NFIB: variants seen among roughly 807,000 people sequenced by gnomAD.
NFIB encodes the protein nuclear factor I B.
A neutral mutation model predicts 61.5 loss-of-function variants in NFIB; 11 were observed. The observed-to-expected ratio is 0.18, with a 90% confidence interval of 0.11 to 0.30. The LOEUF (loss-of-function observed/expected upper bound fraction) is 0.30. Ranked by LOEUF, NFIB falls within the 10% of genes least tolerant of loss-of-function variation. The probability of loss-of-function intolerance (pLI) is 1.00; values close to 1 mark genes in which losing one functional copy is unlikely to be tolerated. For missense variants in NFIB, 471 were observed against 608.9 expected, an observed-to-expected ratio of 0.77 and a Z score of 2.38; for synonymous variants, 260 against 216.5, an observed-to-expected ratio of 1.20 and a Z score of -1.76.
intron 6 of NFIB, among the ~76,000 whole-genome samples, chr9:14,134,054 C>T (rs1253264258): frequency 2.0e-5 from 3 of 152,124 alleles, no homozygotes; most frequent in Non-Finnish European, 4.4e-5. Flanking sequence ...GGAGAAGACA[C>T]ATGGTGTGTT....
chr9:14,380,415 T>C (rs796168503), intron 1 of NFIB, among the ~76,000 whole-genome samples: 3 of 152,206 alleles, frequency 2.0e-5, no homozygotes, highest in Non-Finnish European at 2.9e-5. Flanking sequence ...AAAATGGTGA[T>C]GTAAATAGAA....
chr9:14,088,339 G>A lies in NFIB; in HGVS notation c.1468-13C>T, dbSNP rs1192387629. On this transcript the variant is annotated splice_polypyrimidine_tract_variant and intron_variant, in intron 10 of 10. Transcript: ENST00000380953. ...CCAGGTACCAGGACTGTTGAGAGGA[G>A]AGAGGCAGCAGGGAGGGAAGAAAAA... 6.6e-6 allele frequency: 10 copies of A among 1,517,762 alleles called. No individual in the cohort carries two copies. Among genetic ancestry groups the A allele is most frequent in the Non-Finnish European group, 8.0e-6 (9 of 1,124,056 alleles). The allele number at this position is 1,517,762 out of a possible 1,614,324, so 94.0% of individuals were successfully genotyped here.
At chr9:14,440,358 G>A in the NFIB span, among the ~76,000 whole-genome samples, 272 of 152,344 alleles carry the variant, frequency 1.8e-3, 1 homozygote, top group African/African-American at 6.3e-3. Flanking sequence ...TGCAGAAGGA[G>A]CTGATACCAA....
intron 1 of NFIB, among the ~76,000 whole-genome samples, chr9:14,349,804 G>T (rs189723258): frequency 6.6e-6 from 1 of 152,200 alleles, no homozygotes; most frequent in Non-Finnish European, 1.5e-5. Context: ...AGGGATGAGA[G>T]TTGAGACTTC....
At chr9:14,260,610 C>T (rs2056658668) in intron 2 of NFIB, among the ~76,000 whole-genome samples, 1 of 152,184 alleles carries the variant, frequency 6.6e-6, no homozygotes, top group African/African-American at 2.4e-5. Flanking sequence ...AAGTTACCTG[C>T]ATGCAGATAT....
chr9:14,334,577 G>A lies in NFIB; in HGVS notation c.109-27057C>T, dbSNP rs188401130. On this transcript the variant is annotated intron_variant, in intron 1 of 8. Transcript: ENST00000380934. Reference sequence around the variant, plus strand: ...TAGGAGTTCTTTGTATACTCTACACGTGAGTCCTTTGCCAGTTTATATCTG... The same window carrying A: ...TAGGAGTTCTTTGTATACTCTACACATGAGTCCTTTGCCAGTTTATATCTG... Among the ~76,000 whole-genome samples, 21 of 151,986 alleles carry A rather than the reference G, an allele frequency of 1.4e-4. No individual in the cohort carries two copies. In the East Asian group the frequency reaches 2.3e-3, roughly 17 times the overall value.
chr9:14,096,158 C>T (rs773946655), intron 10 of NFIB, among the ~76,000 whole-genome samples: 15 of 152,178 alleles, frequency 9.9e-5, no homozygotes, highest in East Asian at 1.9e-4. Context: ...TTCTTACGGA[C>T]GAACTACATC....
At position 14,313,764 on chromosome 9, in the gene NFIB, G is replaced by C; in HGVS notation, c.-253C>G. On this transcript the variant is annotated 5_prime_UTR_variant, in exon 1 of 11. Coordinates refer to ENST00000380953, the MANE Select transcript of NFIB (RefSeq NM_001190737.2). This position sits in a 1 kb window ranked among gnomAD's most constrained non-coding sequence, Gnocchi z 4.5. ...CTTTTAACCCTCTTGCAGTCCGAGC[G>C]CGCTGGCCGTGCTTGCCGAGGCCGC... 3 of 1,347,274 alleles carry C rather than the reference G, an allele frequency of 2.2e-6. No individual in the cohort carries two copies. Among genetic ancestry groups the C allele is most frequent in the Non-Finnish European group, 2.9e-6 (3 of 1,049,948 alleles). The allele number at this position is 1,347,274 out of a possible 1,614,324, so 83.5% of individuals were successfully genotyped here.
chr9:14,196,217 T>C (rs2048452971), intron 2 of NFIB, among the ~76,000 whole-genome samples: 1 of 152,138 alleles, frequency 6.6e-6, no homozygotes, highest in South Asian at 2.1e-4. Flanking sequence ...TCAAGGCCAT[T>C]ACTCCTCCCA....
intron 3 of NFIB, among the ~76,000 whole-genome samples, chr9:14,160,444 A>AG (rs1442519946): frequency 6.6e-6 from 1 of 152,140 alleles, no homozygotes. Context: ...TTAAAAAAAA[A>AG]GAAGCCACAG....
the NFIB span, among the ~76,000 whole-genome samples, chr9:14,474,383 A>T: frequency 1.3e-5 from 2 of 152,092 alleles, no homozygotes. Context: ...TCATCCTCAA[A>T]ACCTAATCAC....
At chr9:14,180,178 C>T (rs572075365) in intron 2 of NFIB, among the ~76,000 whole-genome samples, 1 of 152,230 alleles carries the variant, frequency 6.6e-6, no homozygotes, top group Non-Finnish European at 1.5e-5. Context: ...ATTTAAAAGC[C>T]TGAAAGTATG....
At chr9:14,283,916 T>C (rs1355308175) in intron 2 of NFIB, among the ~76,000 whole-genome samples, 1 of 152,198 alleles carries the variant, frequency 6.6e-6, no homozygotes, top group African/African-American at 2.4e-5. Flanking sequence ...TACACTGAGA[T>C]CTCATGAGAG....
intron 2 of NFIB, among the ~76,000 whole-genome samples, chr9:14,296,277 C>T (rs551768846): frequency 1.3e-5 from 2 of 152,246 alleles, no homozygotes; most frequent in South Asian, 4.2e-4. Context: ...TTCATTTAAT[C>T]CTAAAGCAAC....
At chr9:14,257,456 T>C (rs566479968) in intron 2 of NFIB, among the ~76,000 whole-genome samples, 1 of 152,254 alleles carries the variant, frequency 6.6e-6, no homozygotes, top group Admixed American at 6.5e-5. Flanking sequence ...AATCTTTCAG[T>C]AATAGAAAGA....
At chr9:14,412,767 C>T in the NFIB span, among the ~76,000 whole-genome samples, 1 of 152,106 alleles carries the variant, frequency 6.6e-6, no homozygotes, top group Non-Finnish European at 1.5e-5. Context: ...GCATGGGATA[C>T]GTAATTAAAC....
the NFIB span, among the ~76,000 whole-genome samples, chr9:14,492,847 G>C: frequency 6.6e-6 from 1 of 152,182 alleles, no homozygotes; most frequent in East Asian, 1.9e-4. Context: ...ATGTGAGAGG[G>C]GGTGTGTCCA....
chr9:14,434,367 T>C, the NFIB span, among the ~76,000 whole-genome samples: 1 of 152,166 alleles, frequency 6.6e-6, no homozygotes, highest in African/African-American at 2.4e-5. Flanking sequence ...CACCACCAAA[T>C]AATGCTGCAT....
At chr9:14,352,917 T>C (rs1474374924) in intron 1 of NFIB, among the ~76,000 whole-genome samples, 1 of 152,212 alleles carries the variant, frequency 6.6e-6, no homozygotes, top group Admixed American at 6.5e-5. Context: ...TTTGTGTCTA[T>C]AGGGGCAGGG....
Sources: allele counts gnomAD v4.1 joint callset (sites outside exome capture counted in the v4.1 genomes callset), GRCh38; gene constraint gnomAD v4.1.1; non-coding constraint Gnocchi (gnomAD v3.1); transcripts MANE v1.5; gene names NCBI Gene and HGNC (gene_info 2026-07-23, HGNC 2026-07-21).